Variants in ARHGEF2 observed in about 807,000 individuals in gnomAD.
ARHGEF2 encodes rho guanine nucleotide exchange factor 2.
A neutral mutation model predicts 121.0 loss-of-function variants in ARHGEF2; 22 were observed. The observed-to-expected ratio is 0.18, with a 90% CI of 0.13 to 0.26. The LOEUF is 0.26. ARHGEF2 is among the 10% of genes least tolerant of loss of function. The pLI, the probability that ARHGEF2 is intolerant of heterozygous loss-of-function variation, is 1.00. For missense variants in ARHGEF2, 907 were observed against 1,336.0 expected (o/e 0.68, Z 5.01); for synonymous variants, 487 against 530.0 (o/e 0.92, Z 1.11).
chr1:155,953,613 A>G (rs1306659964), intron 14 of ARHGEF2, among the ~76,000 whole-genome samples: 2 of 151,914 alleles, frequency 1.3e-5, no homozygotes, highest in South Asian at 4.1e-4. Flanking sequence ...GTGGTGGTGG[A>G]TGCCTGTAAT....
At chr1:155,957,990 A>G (rs1677053143) in intron 12 of ARHGEF2, 108 bp from the exon 13 acceptor site, 1 of 1,186,680 alleles carries the variant, frequency 8.4e-7, no homozygotes, top group Non-Finnish European at 1.2e-6. Context: ...GAGTCATCTT[A>G]CAATACCAGT....
In ARHGEF2 at chr1:155,947,361, G is replaced by C. The variant is rs920412399; in HGVS notation, c.*581C>G. Reference sequence around the variant, plus strand: ...TATTCCATCAACTCCAGGAAGCCAGGTTATCTCCCAGGGCTTCCATGAAGG... The same window carrying C: ...TATTCCATCAACTCCAGGAAGCCAGCTTATCTCCCAGGGCTTCCATGAAGG... On this transcript the variant is annotated 3_prime_UTR_variant, in exon 22 of 22. Coordinates refer to ENST00000361247, the MANE Select transcript of ARHGEF2 (RefSeq NM_001162383.2). 13 of 456,434 alleles carry C rather than the reference G, an allele frequency of 2.8e-5. No individual in the cohort carries two copies. Among genetic ancestry groups the C allele is most frequent in the Non-Finnish European group, 5.7e-5 (13 of 226,796 alleles). The allele number at this position is 456,434 out of a possible 1,614,324, so 28.3% of individuals were successfully genotyped here. A position where few individuals can be genotyped will look rare whatever the true frequency, so the allele number is the denominator to read the frequency against.
intron 15 of ARHGEF2, 73 bp downstream of exon 15, chr1:155,952,555 A>C: frequency 6.7e-7 from 1 of 1,501,780 alleles, no homozygotes; most frequent in Non-Finnish European, 9.0e-7. Flanking sequence ...GTGTTTGTCC[A>C]TGTCTAGTCA....
intron 11 of ARHGEF2, among the ~76,000 whole-genome samples, 178 bp from the exon 12 acceptor site, chr1:155,958,574 ATTTTTT>A (rs397722034): frequency 2.5e-5 from 3 of 122,274 alleles, no homozygotes; most frequent in Non-Finnish European, 4.9e-5. Context: ...CACCCATTCT[ATTTTTT>A]TTTTTTTTTT....
Position 155,950,126 on chromosome 1 carries a change from C to G in ARHGEF2, c.2887+173G>C, listed in dbSNP as rs1343330367. 9.2e-6 allele frequency: 7 copies of G among 760,320 alleles called. No homozygotes were observed. The highest frequency in any genetic ancestry group is 1.3e-5 in the Non-Finnish European group (6 of 473,948). The allele number at this position is 760,320 out of a possible 1,614,324, so 47.1% of individuals were successfully genotyped here. A position where few individuals can be genotyped will look rare whatever the true frequency, so the allele number is the denominator to read the frequency against. On this transcript the variant is annotated intron_variant, in intron 21 of 21. Coordinates refer to ENST00000361247, the MANE Select transcript of ARHGEF2 (RefSeq NM_001162383.2). This position sits in a 1 kb window ranked among gnomAD's most constrained non-coding sequence, Gnocchi z 5.2. ...CCAACCAGTTGGAGGAGAGAGGCCC[C>G]TCCTGCTTCCTAGACTTCCACCACC... is the stretch of plus-strand genomic sequence containing the variant.
rs922706568 is a variant in ARHGEF2, at chr1:155,966,995, C to T, written c.209-108G>A. 5 of 1,053,100 alleles carry T rather than the reference C, an allele frequency of 4.7e-6. No homozygotes were observed. In the Admixed American group the frequency reaches 9.3e-5, roughly 20 times the overall value. The allele number at this position is 1,053,100 out of a possible 1,614,324, so 65.2% of individuals were successfully genotyped here. A position where few individuals can be genotyped will look rare whatever the true frequency, so the allele number is the denominator to read the frequency against. ...CCTGGCCACACAGTCCTCGGGGACT[C>T]TCCCCCCTTCCCCGACTTCTGGGCC... On this transcript the variant is annotated intron_variant, in intron 2 of 21. Transcript: ENST00000361247.
chr1:155,950,914 G>C lies in ARHGEF2; in HGVS notation c.2618C>G (p.Ala873Gly), dbSNP rs760442263. Residue 873 changes from alanine (A) to glycine (G), a missense_variant, in exon 20 of 22, where the codon GCC (alanine) becomes GGC (glycine). Ala to Gly is a moderately conservative substitution (Grantham distance 60, BLOSUM62 0). Around this residue, in one of 2 missense-constraint regions of ARHGEF2, gnomAD observed 432 missense variants for 559.5 expected, o/e 0.77. Transcript: ENST00000361247. This position sits in a 1 kb window ranked among gnomAD's most constrained non-coding sequence, Gnocchi z 5.2. ...ATCCACAGGTCTGCGGGCCCAGGGGGCCTCAGCTGGGAGTGGCTCGGTCTG... is the reference window on the plus strand; with the variant it reads ...ATCCACAGGTCTGCGGGCCCAGGGGCCCTCAGCTGGGAGTGGCTCGGTCTG... ...LGQTEPLPAE[A>G]PWARRPVDPR... 1.9e-6 allele frequency: 3 copies of C among 1,600,368 alleles called. No individual in the cohort carries two copies. The highest frequency in any genetic ancestry group is 1.1e-5 in the South Asian group (1 of 90,008).
chr1:155,950,720 C>T lies in ARHGEF2; in HGVS notation c.2703+109G>A. 1 of 1,167,900 alleles carries T rather than the reference C, an allele frequency of 8.6e-7. No individual in the cohort carries two copies. Among genetic ancestry groups the T allele is most frequent in the Non-Finnish European group, 1.2e-6 (1 of 818,456 alleles). 72.3% of individuals were successfully genotyped at this position (1,167,900 alleles called of 1,614,324 possible). A position where few individuals can be genotyped will look rare whatever the true frequency, so the allele number is the denominator to read the frequency against. On this transcript the variant is annotated intron_variant, in intron 20 of 21. Coordinates refer to ENST00000361247, the MANE Select transcript of ARHGEF2 (RefSeq NM_001162383.2). This position sits in a 1 kb window ranked among gnomAD's most constrained non-coding sequence, Gnocchi z 5.2. Reference sequence around the variant, plus strand: ...ACCAGTATCTCAATATCCTTCAAGTCAGTTGACTGATTGCATTTGGGCTCA... The same window carrying T: ...ACCAGTATCTCAATATCCTTCAAGTTAGTTGACTGATTGCATTTGGGCTCA...
chr1:155,951,839 C>G lies in ARHGEF2; in HGVS notation c.2173-63G>C. 6.2e-7 allele frequency: 1 copy of G among 1,613,224 alleles called. No homozygotes were observed. Among genetic ancestry groups the G allele is most frequent in the Non-Finnish European group, 8.5e-7 (1 of 1,179,806 alleles). On this transcript the variant is annotated intron_variant, in intron 17 of 21. Coordinates refer to ENST00000361247, the MANE Select transcript of ARHGEF2 (RefSeq NM_001162383.2). The surrounding 1 kb of genome is among the most constrained non-coding windows in gnomAD (Gnocchi z 5.1). ...ACAAATCCTGGGTGCCTGCCCCTGA[C>G]AGCTTTGTGTTGAGGATCCAGAGGC...
At chr1:155,969,342 T>G in intron 1 of ARHGEF2, 42 bp from the exon 2 acceptor site, 1 of 1,609,806 alleles carries the variant, frequency 6.2e-7, no homozygotes, top group Non-Finnish European at 8.5e-7. Context: ...GGCTGGAAAA[T>G]GCCAGGGTGC....
chr1:155,949,778 G>C (rs1297963353), intron 21 of ARHGEF2, among the ~76,000 whole-genome samples: 2 of 152,102 alleles, frequency 1.3e-5, no homozygotes, highest in South Asian at 2.1e-4. Context: ...TTGGGAGGCT[G>C]AGGCAGGAGA....
intron 12 of ARHGEF2, 96 bp downstream of exon 12, chr1:155,958,224 T>TG (rs1300065826): frequency 1.1e-6 from 1 of 948,306 alleles, no homozygotes; most frequent in East Asian, 2.5e-5. Context: ...TGTTTGACTC[T>TG]GGGGGACTCC....
Position 155,978,333 on chromosome 1 carries a change from C to T in ARHGEF2, c.63+32G>A, listed in dbSNP as rs1558059225. The T allele has an allele frequency of 4.7e-6, 7 of 1,487,348 alleles. No homozygotes were observed. In the South Asian group the frequency reaches 5.0e-5, roughly 11 times the overall value. 92.1% of individuals were successfully genotyped at this position (1,487,348 alleles called of 1,614,324 possible). ...CGGGGTTCGGGGAGCACCCGAGGAC[C>T]GCGGCGAAAGGAGAGGGGTTTCCGA... On this transcript the variant is annotated intron_variant, in intron 1 of 21. Transcript: ENST00000361247. The surrounding 1 kb of genome is among the most constrained non-coding windows in gnomAD (Gnocchi z 4.1).
Position 155,950,461 on chromosome 1 carries a change from G to T in ARHGEF2, c.2725C>A (p.Leu909Met). 1 of 1,613,938 alleles carries T rather than the reference G, an allele frequency of 6.2e-7. No individual in the cohort carries two copies. ...GAGCGAGTAGTGACAGGTAGATCCA[G>T]GCGGTCAGTGCCTCGGCTGGGCTGT... Reference protein sequence around the residue: ...PPQPSRGTDRLDLPVTTRSVH... With the variant: ...PPQPSRGTDRMDLPVTTRSVH... The change falls in exon 21 of 22, where the codon CTG becomes ATG. Residue 909 changes from leucine (L) to methionine (M), a missense_variant. Coordinates refer to ENST00000361247, the MANE Select transcript of ARHGEF2 (RefSeq NM_001162383.2). This position sits in a 1 kb window ranked among gnomAD's most constrained non-coding sequence, Gnocchi z 5.2.
chr1:155,971,201 G>T, intron 1 of ARHGEF2: 1 of 739,594 alleles, frequency 1.4e-6, no homozygotes, highest in Non-Finnish European at 1.7e-6. Flanking sequence ...TTTCTATTCT[G>T]GCACCTACCT....
rs1457483764 is a variant in ARHGEF2, at chr1:155,965,596, T to A, written c.470+35A>T. ...ACCCCCTTGGCCTCCACTGCCACACTCTCTGGCTGCCCCTTTCCCCAAACA... is the reference window on the plus strand; with the variant it reads ...ACCCCCTTGGCCTCCACTGCCACACACTCTGGCTGCCCCTTTCCCCAAACA... On this transcript the variant is annotated intron_variant, in intron 5 of 21. Transcript: ENST00000361247. The surrounding 1 kb of genome is among the most constrained non-coding windows in gnomAD (Gnocchi z 6.0). 6.2e-7 allele frequency: 1 copy of A among 1,612,134 alleles called. No individual in the cohort carries two copies. The highest frequency in any genetic ancestry group is 2.2e-5 in the East Asian group (1 of 44,874).
rs1398606271 is a variant in ARHGEF2 at position 155,963,187 on chromosome 1, T to C, written c.725-4A>G. The C allele has an allele frequency of 1.4e-5, 22 of 1,604,846 alleles. No individual in the cohort carries two copies. Among genetic ancestry groups the C allele is most frequent in the Non-Finnish European group, 1.7e-5 (20 of 1,177,688 alleles). ...TGCAGCTCTGTCTGGATTAGCTCTGTGGGGGACATTGGGACATTTGGCCTC... is the reference window on the plus strand; with the variant it reads ...TGCAGCTCTGTCTGGATTAGCTCTGCGGGGGACATTGGGACATTTGGCCTC... On this transcript the variant is annotated splice_region_variant and splice_polypyrimidine_tract_variant and intron_variant, in intron 7 of 21. Transcript: ENST00000361247.
rs1675445604 is a variant in ARHGEF2, at chr1:155,951,480, G to A, written c.2259+3C>T. 6.2e-7 allele frequency: 1 copy of A among 1,614,000 alleles called. No individual in the cohort carries two copies. ...TCCCCATTCAAGCCCTTGTCCTACT[G>A]ACCTGTAGGCCATGTAGAAGTCCAT... On this transcript the variant is annotated splice_donor_region_variant and intron_variant, in intron 19 of 21. Transcript: ENST00000361247. The surrounding 1 kb of genome is among the most constrained non-coding windows in gnomAD (Gnocchi z 5.1).
At chr1:155,971,061 C>T in intron 1 of ARHGEF2, 2 of 986,638 alleles carry the variant, frequency 2.0e-6, no homozygotes, top group South Asian at 9.4e-5. Flanking sequence ...CCACTGTTCT[C>T]CTCTCCCGCC....
Sources: allele counts gnomAD v4.1 joint callset (sites outside exome capture counted in the v4.1 genomes callset), GRCh38; gene constraint gnomAD v4.1.1; regional missense constraint gnomAD v4.1.1; non-coding constraint Gnocchi (gnomAD v3.1); transcripts MANE v1.5; gene names NCBI Gene and HGNC (gene_info 2026-07-23, HGNC 2026-07-21).